TMTC2: variants seen among roughly 807,000 people sequenced by gnomAD.
TMTC2 encodes protein O-mannosyl-transferase TMTC2.
TMTC2 carries 43 observed loss-of-function variants against 82.4 expected under a neutral mutation model. The ratio of observed to expected loss-of-function variants is 0.52; its 90% confidence interval spans 0.41 to 0.67. The LOEUF (loss-of-function observed/expected upper bound fraction) is 0.67. Ranked by LOEUF, TMTC2 falls within the 30% of genes least tolerant of loss-of-function variation. The probability of loss-of-function intolerance (pLI) is 0.00; values close to 1 mark genes in which losing one functional copy is unlikely to be tolerated. For synonymous variants in TMTC2, 408 were observed against 381.9 expected (o/e 1.07, Z -0.80); for missense variants, 919 against 1,012.4 (o/e 0.91, Z 1.25).
Position 83,024,504 on chromosome 12 carries a change from T to C in TMTC2, c.2071-6294T>C, listed in dbSNP as rs183266704. Among the ~76,000 whole-genome samples, 14 of 152,276 alleles carry C rather than the reference T, an allele frequency of 9.2e-5. 1 individual carries two copies. The East Asian group carries it at 2.5e-3, about 27-fold the overall frequency. ...GTTGTGAAAAATAACAGACACTCACTATTGTAAGAAATTCCCAAAGAGTAA... is the reference window on the plus strand; with the variant it reads ...GTTGTGAAAAATAACAGACACTCACCATTGTAAGAAATTCCCAAAGAGTAA... On this transcript the variant is annotated intron_variant, in intron 8 of 11. Coordinates refer to ENST00000321196, the MANE Select transcript of TMTC2 (RefSeq NM_152588.3).
chr12:82,731,616 T>C (rs1482306083), intron 1 of TMTC2, among the ~76,000 whole-genome samples: 1 of 152,222 alleles, frequency 6.6e-6, no homozygotes, highest in Admixed American at 6.5e-5. Context: ...TATTGAAAGT[T>C]TTAGACTATT....
intron 11 of TMTC2, among the ~76,000 whole-genome samples, chr12:83,069,525 C>G (rs1883033871): frequency 2.6e-5 from 4 of 152,100 alleles, no homozygotes; most frequent in Admixed American, 2.6e-4. Context: ...ATGTCCTTAG[C>G]CCATTTTTTG....
Position 82,965,117 on chromosome 12 carries a change from A to G in TMTC2, c.1684+8A>G, listed in dbSNP as rs761637856. The G allele has an allele frequency of 6.3e-7, 1 of 1,590,398 alleles. No individual in the cohort carries two copies. Among genetic ancestry groups the G allele is most frequent in the Non-Finnish European group, 8.6e-7 (1 of 1,163,456 alleles). ...GCAGGCCTACCCTGGCTTGTAAGTA[A>G]TACTCAAGTGTTTATTTTTTTATAC... On this transcript the variant is annotated splice_region_variant and intron_variant, in intron 5 of 11. Transcript: ENST00000321196.
intron 1 of TMTC2, among the ~76,000 whole-genome samples, chr12:82,729,442 G>A (rs977595948): frequency 1.1e-4 from 16 of 151,736 alleles, no homozygotes; most frequent in Middle Eastern, 3.2e-3. Flanking sequence ...AAATACACCA[G>A]TCAGCACCCT....
chr12:83,105,151 G>T (rs1237472651), intron 11 of TMTC2, among the ~76,000 whole-genome samples: 2 of 152,132 alleles, frequency 1.3e-5, no homozygotes, highest in African/African-American at 2.4e-5. Flanking sequence ...TTCACGGTCC[G>T]TATTACCATC....
chr12:82,898,543 T>C lies in TMTC2; in HGVS notation c.1483+1897T>C, dbSNP rs1052001639. ...ATTCTTTCATGTGACAATCTAAGTA[T>C]GTGCAAACACAGAGCTGATAAGATG... On this transcript the variant is annotated intron_variant, in intron 3 of 11. Transcript: ENST00000321196. 2.0e-5 allele frequency among the ~76,000 whole-genome samples: 3 copies of C among 152,346 alleles called. No homozygotes were observed. The South Asian group carries it at 6.2e-4, about 32-fold the overall frequency.
At chr12:82,947,711 T>G (rs113391813) in intron 4 of TMTC2, among the ~76,000 whole-genome samples, 228 of 152,272 alleles carry the variant, frequency 1.5e-3, no homozygotes, top group African/African-American at 5.2e-3. Flanking sequence ...GCCCTGTTTT[T>G]TTGTTGTTGT....
At chr12:82,734,291 T>G (rs770026042) in intron 1 of TMTC2, among the ~76,000 whole-genome samples, 4 of 152,210 alleles carry the variant, frequency 2.6e-5, no homozygotes, top group Non-Finnish European at 4.4e-5. Context: ...GTTAACTGCT[T>G]CTTCTCTGGA....
chr12:83,043,267 C>T (rs932512778), intron 9 of TMTC2, among the ~76,000 whole-genome samples: 4 of 152,180 alleles, frequency 2.6e-5, no homozygotes, highest in Non-Finnish European at 4.4e-5. Flanking sequence ...GTATCCCCTA[C>T]CTACAGCTAG....
intron 4 of TMTC2, among the ~76,000 whole-genome samples, chr12:82,952,882 A>G (rs1177157403): frequency 6.6e-6 from 1 of 152,130 alleles, no homozygotes; most frequent in African/African-American, 2.4e-5. Context: ...AGCATTATAC[A>G]TTTTTAAAAA....
At chr12:82,840,668 G>C (rs533938417) in intron 1 of TMTC2, among the ~76,000 whole-genome samples, 1 of 152,208 alleles carries the variant, frequency 6.6e-6, no homozygotes, top group South Asian at 2.1e-4. Flanking sequence ...TCATAGACAT[G>C]GAGAGCTAAA....
intron 1 of TMTC2, among the ~76,000 whole-genome samples, chr12:82,689,579 A>C (rs1872489419): frequency 6.6e-6 from 1 of 152,248 alleles, no homozygotes; most frequent in Non-Finnish European, 1.5e-5. Context: ...TTCTTTAAAA[A>C]TTAAGGTTAA....
Position 82,773,251 on chromosome 12 carries a change from T to C in TMTC2, c.84-83759T>C, listed in dbSNP as rs118047900. On this transcript the variant is annotated intron_variant, in intron 1 of 11. Transcript: ENST00000321196. ...GGCAGTTTGAGAGTCTTGTTTCAAA[T>C]TGTATATAGTCAAAAGCTTGACAGT... 7.4e-4 allele frequency among the ~76,000 whole-genome samples: 113 copies of C among 152,290 alleles called. 1 individual carries two copies. The East Asian group carries it at 0.02, about 28-fold the overall frequency.
At chr12:83,044,152 T>C (rs1882001917) in intron 9 of TMTC2, among the ~76,000 whole-genome samples, 1 of 152,200 alleles carries the variant, frequency 6.6e-6, no homozygotes, top group South Asian at 2.1e-4. Flanking sequence ...GGAAAATTTC[T>C]GGTGATAAAT....
chr12:83,072,303 G>T (rs1194077952), intron 11 of TMTC2, among the ~76,000 whole-genome samples: 1 of 152,028 alleles, frequency 6.6e-6, no homozygotes, highest in East Asian at 1.9e-4. Context: ...TTCTATATTT[G>T]CATGGTTCTG....
intron 1 of TMTC2, among the ~76,000 whole-genome samples, chr12:82,851,554 G>C (rs1870978219): frequency 2.0e-5 from 3 of 152,148 alleles, no homozygotes; most frequent in African/African-American, 7.2e-5. Flanking sequence ...GGAAACTAAG[G>C]TACAGAGAGG....
chr12:83,107,340 A>G (rs1355600691), intron 11 of TMTC2, among the ~76,000 whole-genome samples: 1 of 152,206 alleles, frequency 6.6e-6, no homozygotes, highest in Non-Finnish European at 1.5e-5. Flanking sequence ...CAGTTCTGGA[A>G]GTTGAGAAGT....
intron 11 of TMTC2, among the ~76,000 whole-genome samples, chr12:83,127,919 A>G (rs983297532): frequency 5.3e-5 from 8 of 152,182 alleles, no homozygotes; most frequent in Non-Finnish European, 8.8e-5. Context: ...AAAAATATAT[A>G]TCAAAAATAT....
intron 1 of TMTC2, among the ~76,000 whole-genome samples, chr12:82,841,355 C>G (rs370043430): frequency 4.3e-4 from 65 of 152,254 alleles, no homozygotes; most frequent in Non-Finnish European, 9.0e-4. Context: ...AATTTTAATG[C>G]TAGAGTTAAT....
Sources: allele counts gnomAD v4.1 joint callset (sites outside exome capture counted in the v4.1 genomes callset), GRCh38; gene constraint gnomAD v4.1.1; transcripts MANE v1.5; gene names NCBI Gene and HGNC (gene_info 2026-07-23, HGNC 2026-07-21).